Variants in POLR3F observed in about 807,000 individuals in gnomAD.
POLR3F encodes the protein RNA polymerase III subunit F.
POLR3F carries 31 observed loss-of-function variants against 43.6 expected under a neutral mutation model. The ratio of observed to expected loss-of-function variants is 0.71; its 90% CI spans 0.53 to 0.96. POLR3F has a LOEUF of 0.96. Among genes scored for constraint, POLR3F ranks in the 40% least tolerant of loss-of-function variants. The probability of loss-of-function intolerance (pLI) is 0.00; values close to 1 mark genes in which losing one functional copy is unlikely to be tolerated. For synonymous variants in POLR3F, 114 were observed against 132.5 expected, an observed-to-expected ratio of 0.86 and a Z score of 0.96; for missense variants, 316 against 391.7, an observed-to-expected ratio of 0.81 and a Z score of 1.63.
chr20:18,472,902 A>C lies in POLR3F; in HGVS notation c.241A>C (p.Asn81His). ...GLLYRIKDSQ[N>H]AGKMKGSDNQ... ...TTTATATAGAATAAAGGACTCTCAG[A>C]ATGCTGGGTAAGTACTTGTTTTTTT... The change falls in exon 3 of 9, where the codon AAT becomes CAT. Residue 81 changes from asparagine to histidine, a missense_variant. Asn to His is a moderately conservative substitution (Grantham distance 68). This residue lies in a region of POLR3F where 122 missense variants were observed against 133.8 expected (regional missense o/e 0.91). Coordinates refer to ENST00000377603, the MANE Select transcript of POLR3F (RefSeq NM_006466.4). The C allele has an allele frequency of 7.1e-7, 1 of 1,407,876 alleles. No individual in the cohort carries two copies. The highest frequency in any genetic ancestry group is 9.9e-7 in the Non-Finnish European group (1 of 1,007,600). 87.2% of individuals were successfully genotyped at this position (1,407,876 alleles called of 1,614,324 possible). A position where few individuals can be genotyped will look rare whatever the true frequency, so the allele number is the denominator to read the frequency against.
intron 6 of POLR3F, 69 bp from the exon 7 acceptor site, chr20:18,480,333 C>A: frequency 1.6e-6 from 2 of 1,271,380 alleles, no homozygotes; most frequent in Non-Finnish European, 1.1e-6. Context: ...TGGTTTGACT[C>A]AGTATAAAGT....
At chr20:18,468,851 G>T in intron 1 of POLR3F, 93 bp from the exon 2 acceptor site, 1 of 696,426 alleles carries the variant, frequency 1.4e-6, no homozygotes, top group South Asian at 1.7e-5. Flanking sequence ...TGTGAAAAAG[G>T]CACAGTTTCA....
rs1490964333 is a variant in POLR3F at position 18,468,883 on chromosome 20, A to G, written c.63-61A>G. The G allele has an allele frequency of 3.7e-6, 3 of 814,020 alleles. No homozygotes were observed. In the African/African-American group the frequency reaches 5.1e-5, roughly 14 times the overall value. 50.4% of individuals were successfully genotyped at this position (814,020 alleles called of 1,614,324 possible). On this transcript the variant is annotated intron_variant, in intron 1 of 8. Coordinates refer to ENST00000377603, the MANE Select transcript of POLR3F (RefSeq NM_006466.4). ...TTCAAACTATTCTACTTGTATTTTT[A>G]CCCCCACTGTCTCTTGAAACAGGTA...
chr20:18,478,779 C>G (rs1227799565), intron 5 of POLR3F, among the ~76,000 whole-genome samples: 1 of 152,112 alleles, frequency 6.6e-6, no homozygotes, highest in African/African-American at 2.4e-5. Flanking sequence ...GTGATGACAT[C>G]CCGATGGCAA....
intron 1 of POLR3F, among the ~76,000 whole-genome samples, chr20:18,467,875 C>G (rs1282130365): frequency 6.6e-6 from 1 of 152,168 alleles, no homozygotes; most frequent in African/African-American, 2.4e-5. Context: ...GAGAGGAGCC[C>G]TCGGCTTTCT....
chr20:18,480,666 A>T (rs2059805431), intron 7 of POLR3F, among the ~76,000 whole-genome samples, 157 bp downstream of exon 7: 1 of 151,940 alleles, frequency 6.6e-6, no homozygotes, highest in Non-Finnish European at 1.5e-5. Context: ...CCTGTATCTT[A>T]GGCAAAGGCA....
At position 18,467,431 on chromosome 20, in the gene POLR3F, G is replaced by A. The variant is rs978651623; in HGVS notation, c.-76G>A. 3 of 1,523,978 alleles carry A rather than the reference G, an allele frequency of 2.0e-6. No homozygotes were observed. The highest frequency in any genetic ancestry group is 2.2e-5 in the East Asian group (1 of 44,492). 94.4% of individuals were successfully genotyped at this position (1,523,978 alleles called of 1,614,324 possible). On this transcript the variant is annotated 5_prime_UTR_variant, in exon 1 of 9. Coordinates refer to ENST00000377603, the MANE Select transcript of POLR3F (RefSeq NM_006466.4). ...CCTCAGCAGAGCGCTATCCTCCACT[G>A]GTTCCCCGGGTTCCCCGGCTTGCTA...
In POLR3F at chr20:18,481,854, G is replaced by C. The variant is rs767327752; in HGVS notation, c.873+44G>C. On this transcript the variant is annotated intron_variant, in intron 8 of 8. Transcript: ENST00000377603. ...ACTTTACACTTGACTGCCCACGGGT[G>C]CAAGTGCCACATTAAGAAACAGAGC... 7 of 1,215,422 alleles carry C rather than the reference G, an allele frequency of 5.8e-6. No individual in the cohort carries two copies. In the Admixed American group the frequency reaches 1.1e-4, roughly 19 times the overall value. The allele number at this position is 1,215,422 out of a possible 1,614,324, so 75.3% of individuals were successfully genotyped here. A position where few individuals can be genotyped will look rare whatever the true frequency, so the allele number is the denominator to read the frequency against.
chr20:18,477,330 A>C (rs959699856), intron 5 of POLR3F, among the ~76,000 whole-genome samples: 4 of 152,232 alleles, frequency 2.6e-5, no homozygotes, highest in Non-Finnish European at 5.9e-5. Context: ...GACCAAGATG[A>C]ACACTCATAC....
chr20:18,484,355 G>A lies in POLR3F; in HGVS notation c.*797G>A, dbSNP rs2059826833. ...TCTGCAGTAGACTGAATGTTTGTGT[G>A]CCCCCAGAATTCTAATGTTGAAATC... On this transcript the variant is annotated 3_prime_UTR_variant, in exon 9 of 9. Transcript: ENST00000377603. The A allele has an allele frequency of 2.6e-6, 1 of 388,220 alleles. No homozygotes were observed. The highest frequency in any genetic ancestry group is 4.5e-6 in the Non-Finnish European group (1 of 219,988). The allele number at this position is 388,220 out of a possible 1,614,324, so 24.0% of individuals were successfully genotyped here.
chr20:18,480,445 G>GA lies in POLR3F; in HGVS notation c.620dup (p.Asn207LysfsTer2), dbSNP rs770049593. The GA allele has an allele frequency of 6.8e-6, 11 of 1,612,622 alleles. No individual in the cohort carries two copies. The highest frequency in any genetic ancestry group is 9.3e-6 in the Non-Finnish European group (11 of 1,178,804). On this transcript the variant is annotated frameshift_variant, in exon 7 of 9. Coordinates refer to ENST00000377603, the MANE Select transcript of POLR3F (RefSeq NM_006466.4). LOFTEE classifies it high-confidence loss of function. ...AGCAAACAGAACCCAATGATACAAAGAAATAGTTCATTTGCCTCATCACAT... is the reference window on the plus strand; with the variant it reads ...AGCAAACAGAACCCAATGATACAAAGAAAATAGTTCATTTGCCTCATCACAT...
intron 5 of POLR3F, among the ~76,000 whole-genome samples, chr20:18,479,333 A>G (rs1288451090): frequency 6.6e-6 from 1 of 151,800 alleles, no homozygotes; most frequent in Non-Finnish European, 1.5e-5. Flanking sequence ...CGTCTCTGCT[A>G]AAAATACAAA....
chr20:18,480,170 C>CT lies in POLR3F; in HGVS notation c.563dup (p.Gln189ThrfsTer20). The CT allele has an allele frequency of 1.2e-6, 2 of 1,612,252 alleles. No homozygotes were observed. The highest frequency in any genetic ancestry group is 1.7e-6 in the Non-Finnish European group (2 of 1,178,828). On this transcript the variant is annotated frameshift_variant, in exon 6 of 9. Transcript: ENST00000377603. LOFTEE classifies it high-confidence loss of function. ...GCTTAACCAACAGTGTTTTAAATTC[C>CT]TACAGTCCAAGGTGAGGTATGATTG... is the stretch of plus-strand genomic sequence containing the variant.
intron 2 of POLR3F, among the ~76,000 whole-genome samples, chr20:18,471,897 G>A (rs905039583): frequency 3.9e-5 from 6 of 152,192 alleles, no homozygotes; most frequent in Admixed American, 2.0e-4. Context: ...CACGAGAATC[G>A]CATGAACCCG....
At chr20:18,472,745 A>G in intron 2 of POLR3F, 97 bp from the exon 3 acceptor site, 1 of 640,156 alleles carries the variant, frequency 1.6e-6, no homozygotes, top group Admixed American at 2.9e-5. Context: ...CAGGTTTTGA[A>G]AAATTAAGAA....
intron 1 of POLR3F, among the ~76,000 whole-genome samples, 172 bp from the exon 2 acceptor site, chr20:18,468,772 A>G (rs2059725800): frequency 6.6e-6 from 1 of 152,236 alleles, no homozygotes. Flanking sequence ...TGTATTTAGA[A>G]ATCATCTTCT....
rs6111985 is a variant in POLR3F at position 18,483,890 on chromosome 20, T to C, written c.*332T>C. The stretch of plus-strand genomic sequence containing the variant: ...TACCCGTATTTACCAAGTACTATGA[T>C]AATGGCTAGAGTATAAAAATGTTCT... On this transcript the variant is annotated 3_prime_UTR_variant, in exon 9 of 9. Coordinates refer to ENST00000377603, the MANE Select transcript of POLR3F (RefSeq NM_006466.4). The C allele has an allele frequency of 5.1e-6, 2 of 394,174 alleles. No individual in the cohort carries two copies. The highest frequency in any genetic ancestry group is 4.1e-5 in the African/African-American group (2 of 48,554). The allele number at this position is 394,174 out of a possible 1,614,324, so 24.4% of individuals were successfully genotyped here. A position where few individuals can be genotyped will look rare whatever the true frequency, so the allele number is the denominator to read the frequency against.
chr20:18,467,673 T>A, intron 1 of POLR3F, 105 bp downstream of exon 1: 1 of 1,566,566 alleles, frequency 6.4e-7, no homozygotes, highest in Admixed American at 1.9e-5. Context: ...GCGGGTTAGG[T>A]GAGCACGCGG....
intron 2 of POLR3F, among the ~76,000 whole-genome samples, chr20:18,471,574 C>T (rs927891013): frequency 1.3e-5 from 2 of 152,206 alleles, no homozygotes; most frequent in Non-Finnish European, 2.9e-5. Flanking sequence ...TGACCAGAGC[C>T]TCTGGATTGG....
Sources: allele counts gnomAD v4.1 joint callset (sites outside exome capture counted in the v4.1 genomes callset), GRCh38; gene constraint gnomAD v4.1.1; regional missense constraint gnomAD v4.1.1; transcripts MANE v1.5; gene names NCBI Gene and HGNC (gene_info 2026-07-23, HGNC 2026-07-21).